PLPPR1: variants seen among roughly 807,000 people sequenced by gnomAD.
PLPPR1 encodes the protein phospholipid phosphatase-related protein type 1.
Under a neutral mutation model 33.1 loss-of-function variants are expected in PLPPR1, and 10 were observed. The observed-to-expected ratio is 0.30, with a 90% CI of 0.19 to 0.51. The LOEUF (loss-of-function observed/expected upper bound fraction) is 0.51. Ranked by LOEUF, PLPPR1 falls within the 20% of genes least tolerant of loss-of-function variation. PLPPR1 has a pLI of 0.97. For missense variants in PLPPR1, 304 were observed against 408.1 expected, an observed-to-expected ratio of 0.74 and a Z score of 2.20; for synonymous variants, 151 against 151.0, an observed-to-expected ratio of 1.00 and a Z score of 0.00.
intron 1 of PLPPR1, among the ~76,000 whole-genome samples, chr9:101,174,815 T>C (rs1825995206): frequency 6.6e-6 from 1 of 152,170 alleles, no homozygotes; most frequent in Non-Finnish European, 1.5e-5. Flanking sequence ...ATTCATAATA[T>C]ATTTACCTCC....
intron 1 of PLPPR1, among the ~76,000 whole-genome samples, chr9:101,049,087 C>G (rs183291713): frequency 2.0e-5 from 3 of 152,170 alleles, no homozygotes; most frequent in Non-Finnish European, 2.9e-5. Context: ...TTTCATTGAG[C>G]ACTGGCACTT....
chr9:101,100,652 G>A (rs969813309), intron 1 of PLPPR1, among the ~76,000 whole-genome samples: 1 of 151,674 alleles, frequency 6.6e-6, no homozygotes, highest in Non-Finnish European at 1.5e-5. Context: ...TAATATATGG[G>A]AGAAGCTCAA....
At chr9:101,194,475 C>T (rs576173980) in intron 2 of PLPPR1, among the ~76,000 whole-genome samples, 37 of 152,188 alleles carry the variant, frequency 2.4e-4, no homozygotes, top group South Asian at 2.3e-3. Flanking sequence ...GCTGACCGGG[C>T]GTGGTGGCTC....
intron 6 of PLPPR1, among the ~76,000 whole-genome samples, chr9:101,316,156 C>T (rs116366045): frequency 6.6e-6 from 1 of 152,004 alleles, no homozygotes; most frequent in Non-Finnish European, 1.5e-5. Flanking sequence ...GTGTAGGGTC[C>T]TCGGGCGCGG....
At chr9:101,125,726 T>C in intron 1 of PLPPR1, 9 of 767,086 alleles carry the variant, frequency 1.2e-5, no homozygotes, top group Non-Finnish European at 1.8e-5. Flanking sequence ...ACCAATATTT[T>C]CAATGAATTT....
intron 1 of PLPPR1, among the ~76,000 whole-genome samples, chr9:101,091,684 G>A (rs1380734268): frequency 2.6e-5 from 4 of 152,118 alleles, no homozygotes; most frequent in Non-Finnish European, 5.9e-5. Context: ...CCCCTTTTCT[G>A]TATAACCTAG....
intron 2 of PLPPR1, among the ~76,000 whole-genome samples, chr9:101,232,363 ACAACTGGG>A (rs1827204996): frequency 6.6e-6 from 1 of 151,924 alleles, no homozygotes; most frequent in Non-Finnish European, 1.5e-5. Context: ...TGTCACTGGG[ACAACTGGG>A]CAACTGGGCA....
At chr9:101,319,334 G>A (rs1165510012) in intron 7 of PLPPR1, among the ~76,000 whole-genome samples, 2 of 152,116 alleles carry the variant, frequency 1.3e-5, no homozygotes, top group East Asian at 1.9e-4. Context: ...GCGCCACCAC[G>A]CCTGGCTACT....
chr9:101,269,754 G>A (rs1252735827), intron 2 of PLPPR1, 126 bp from the exon 3 acceptor site: 7 of 858,552 alleles, frequency 8.2e-6, no homozygotes, highest in South Asian at 4.4e-5. Context: ...CGCCTGGCAC[G>A]CACACACTCG....
At chr9:101,115,914 C>G (rs10760790) in intron 1 of PLPPR1, among the ~76,000 whole-genome samples, 76,053 of 151,998 alleles carry the variant, frequency 0.5, 19,323 homozygotes, top group African/African-American at 0.58. Flanking sequence ...AAGATGACCA[C>G]TTTATGCTAA....
chr9:101,079,478 C>T (rs997340082), intron 1 of PLPPR1, among the ~76,000 whole-genome samples: 1 of 152,176 alleles, frequency 6.6e-6, no homozygotes, highest in East Asian at 1.9e-4. Context: ...CTTTTATCCT[C>T]ATGCTAAATA....
intron 1 of PLPPR1, among the ~76,000 whole-genome samples, chr9:101,162,180 T>C (rs893201199): frequency 1.7e-4 from 26 of 152,082 alleles, no homozygotes; most frequent in African/African-American, 6.3e-4. Flanking sequence ...TGTTATATCA[T>C]ATGGTACTGG....
intron 2 of PLPPR1, among the ~76,000 whole-genome samples, chr9:101,239,978 T>C (rs892729149): frequency 9.2e-5 from 14 of 152,078 alleles, no homozygotes; most frequent in African/African-American, 3.1e-4. Flanking sequence ...CCTAGACCAA[T>C]GTCCTAAAAC....
chr9:101,181,750 CACACA>C (rs1192390961), intron 1 of PLPPR1, among the ~76,000 whole-genome samples: 13 of 198 alleles, frequency 0.066, no homozygotes, highest in Non-Finnish European at 0.077. Flanking sequence ...TATATACACA[CACACA>C]ACACACATAC....
intron 1 of PLPPR1, among the ~76,000 whole-genome samples, chr9:101,160,692 G>A (rs573343653): frequency 6.6e-6 from 1 of 152,066 alleles, no homozygotes; most frequent in South Asian, 2.1e-4. Context: ...CTGGATAAAA[G>A]ACTTATAATC....
At chr9:101,312,583 A>G (rs894016658) in intron 5 of PLPPR1, among the ~76,000 whole-genome samples, 1 of 152,198 alleles carries the variant, frequency 6.6e-6, no homozygotes, top group African/African-American at 2.4e-5. Flanking sequence ...AAGACTGAAG[A>G]ATGTACATCT....
At chr9:101,089,416 T>C (rs1046582264) in intron 1 of PLPPR1, among the ~76,000 whole-genome samples, 9 of 152,170 alleles carry the variant, frequency 5.9e-5, no homozygotes, top group Non-Finnish European at 1.3e-4. Flanking sequence ...AGTATTCTCA[T>C]GATTATATTC....
chr9:101,313,956 A>G (rs1405864745), intron 6 of PLPPR1, among the ~76,000 whole-genome samples: 1 of 152,182 alleles, frequency 6.6e-6, no homozygotes, highest in African/African-American at 2.4e-5. Context: ...TTATTTTGAG[A>G]TTCATCTATG....
intron 1 of PLPPR1, among the ~76,000 whole-genome samples, chr9:101,095,828 A>C (rs755744616): frequency 6.6e-6 from 1 of 152,108 alleles, no homozygotes; most frequent in Non-Finnish European, 1.5e-5. Context: ...CTGAATTCAT[A>C]ATAAGTTCTC....
Sources: allele counts gnomAD v4.1 joint callset (sites outside exome capture counted in the v4.1 genomes callset), GRCh38; gene constraint gnomAD v4.1.1; transcripts MANE v1.5; gene names NCBI Gene and HGNC (gene_info 2026-07-23, HGNC 2026-07-21).